PLXDC1: variants seen among roughly 807,000 people sequenced by gnomAD.
PLXDC1 encodes plexin domain containing 1, also known as plexin domain-containing protein 1.
PLXDC1 carries 39 observed loss-of-function variants against 61.3 expected under a neutral mutation model. That is an observed-to-expected ratio of 0.64 (90% CI 0.49 to 0.83). The LOEUF (loss-of-function observed/expected upper bound fraction) is 0.83, where lower values mean the gene tolerates loss of function less well. Ranked by LOEUF, PLXDC1 falls within the 40% of genes least tolerant of loss-of-function variation. The pLI, the probability that PLXDC1 is intolerant of heterozygous loss-of-function variation, is 0.00. For synonymous variants in PLXDC1, 212 were observed against 254.5 expected (o/e 0.83, Z 1.59); for missense variants, 596 against 666.5 (o/e 0.89, Z 1.17).
intron 2 of PLXDC1, among the ~76,000 whole-genome samples, chr17:39,127,542 C>T (rs1050812884): frequency 6.6e-6 from 1 of 151,916 alleles, no homozygotes; most frequent in East Asian, 1.9e-4. Flanking sequence ...AAGAAACTCG[C>T]CCAAGACAAA....
intron 7 of PLXDC1, among the ~76,000 whole-genome samples, chr17:39,088,513 G>A (rs1909826089): frequency 6.6e-6 from 1 of 152,296 alleles, no homozygotes; most frequent in African/African-American, 2.4e-5. Context: ...ACACCCTTGG[G>A]AGGAAAAAGC....
At chr17:39,118,028 C>T (rs1034530382) in intron 2 of PLXDC1, among the ~76,000 whole-genome samples, 3 of 152,014 alleles carry the variant, frequency 2.0e-5, no homozygotes, top group Admixed American at 6.6e-5. Flanking sequence ...CTACCCGCGG[C>T]GTTCTAGAGC....
chr17:39,075,213 C>T (rs970421312), intron 11 of PLXDC1, among the ~76,000 whole-genome samples: 34 of 152,240 alleles, frequency 2.2e-4, no homozygotes, highest in Non-Finnish European at 3.7e-4. Flanking sequence ...CCTGCCTCAG[C>T]CTCCCAAAGT....
chr17:39,090,666 C>A (rs571012560), intron 7 of PLXDC1, among the ~76,000 whole-genome samples: 1 of 152,184 alleles, frequency 6.6e-6, no homozygotes, highest in South Asian at 2.1e-4. Flanking sequence ...AGACACTCAA[C>A]GCACAAGGAC....
chr17:39,140,072 A>G (rs73983224), intron 1 of PLXDC1, among the ~76,000 whole-genome samples: 233 of 152,258 alleles, frequency 1.5e-3, no homozygotes, highest in African/African-American at 5.5e-3. Context: ...AGTAGTTAGG[A>G]TGTTCTCCAT....
intron 2 of PLXDC1, among the ~76,000 whole-genome samples, chr17:39,111,157 T>A (rs1325662834): frequency 6.6e-6 from 1 of 151,720 alleles, no homozygotes; most frequent in African/African-American, 2.4e-5. Flanking sequence ...CAGACCAGAC[T>A]CCCCTGACAG....
rs114435796 is a variant in PLXDC1, at chr17:39,105,536, G to A, written c.811+318C>T. 2.5e-3 allele frequency among the ~76,000 whole-genome samples: 383 copies of A among 152,252 alleles called. 1 individual carries two copies. Among genetic ancestry groups the A allele is most frequent in the African/African-American group, 8.8e-3 (367 of 41,536 alleles). On this transcript the variant is annotated intron_variant, in intron 7 of 13. Transcript: ENST00000315392. ...GGGAAGGCCACAATGGTTGTATTCT[G>A]GGAGGACTCAAACCCCTTACTAGGG...
At chr17:39,103,265 A>G (rs1157506877) in intron 7 of PLXDC1, among the ~76,000 whole-genome samples, 1 of 151,864 alleles carries the variant, frequency 6.6e-6, no homozygotes, top group Non-Finnish European at 1.5e-5. Context: ...TCAGTGACCC[A>G]GGCCAGTAAT....
chr17:39,142,744 C>T (rs887789210), intron 1 of PLXDC1, among the ~76,000 whole-genome samples: 5 of 152,200 alleles, frequency 3.3e-5, no homozygotes, highest in African/African-American at 1.2e-4. Flanking sequence ...ATGTTGCCTA[C>T]ACTGGCCTTG....
chr17:39,129,659 A>G (rs201213926), intron 2 of PLXDC1, among the ~76,000 whole-genome samples: 7 of 128,010 alleles, frequency 5.5e-5, no homozygotes, highest in East Asian at 2.1e-4. Flanking sequence ...GAGAGAGAGA[A>G]AGAAAGAAAG....
At chr17:39,131,010 G>A (rs1911542625) in intron 2 of PLXDC1, among the ~76,000 whole-genome samples, 1 of 152,222 alleles carries the variant, frequency 6.6e-6, no homozygotes, top group Admixed American at 6.5e-5. Context: ...ACCTGGGGCT[G>A]AGTAGCCGGG....
rs1302702009 is a variant in PLXDC1, at chr17:39,151,043, G to A, written c.76+319C>T. Among the ~76,000 whole-genome samples the A allele has an allele frequency of 6.6e-6, 1 of 152,120 alleles. No homozygotes were observed. The highest frequency in any genetic ancestry group is 1.5e-5 in the Non-Finnish European group (1 of 68,008). On this transcript the variant is annotated intron_variant, in intron 1 of 13. Transcript: ENST00000315392. This position sits in a 1 kb window ranked among gnomAD's most constrained non-coding sequence, Gnocchi z 5.2. ...TTCAGCCTTGCCTGGGGTGATCAGG[G>A]GTCCTGATGACTCTCCCGCTGTCCC...
intron 5 of PLXDC1, 76 bp downstream of exon 5, chr17:39,108,047 G>A: frequency 6.3e-7 from 1 of 1,577,030 alleles, no homozygotes; most frequent in East Asian, 2.2e-5. Context: ...GCCCTCTCTA[G>A]GCCCTGTGCT....
At chr17:39,111,596 TCTTATCAGC>T (rs1418687659) in intron 2 of PLXDC1, among the ~76,000 whole-genome samples, 1 of 152,116 alleles carries the variant, frequency 6.6e-6, no homozygotes, top group African/African-American at 2.4e-5. Context: ...AACCCTGCCT[TCTTATCAGC>T]CTTTCACCCC....
intron 1 of PLXDC1, among the ~76,000 whole-genome samples, chr17:39,148,414 T>C (rs2143998674): frequency 6.6e-6 from 1 of 151,904 alleles, no homozygotes; most frequent in South Asian, 2.1e-4. Flanking sequence ...AGAGTCTTAC[T>C]CTGTTGCCCA....
chr17:39,148,456 C>G (rs1418618459), intron 1 of PLXDC1, among the ~76,000 whole-genome samples: 1 of 151,920 alleles, frequency 6.6e-6, no homozygotes, highest in African/African-American at 2.4e-5. Context: ...TCTCAGCTCA[C>G]TATAACCTCT....
intron 5 of PLXDC1, 155 bp from the exon 6 acceptor site, chr17:39,107,680 C>A (rs1332516630): frequency 1.5e-6 from 1 of 678,746 alleles, no homozygotes. Flanking sequence ...GGGCAGCTCA[C>A]TAAAGCAGCG....
At chr17:39,143,471 C>T (rs1437264246) in intron 1 of PLXDC1, among the ~76,000 whole-genome samples, 3 of 152,204 alleles carry the variant, frequency 2.0e-5, no homozygotes, top group East Asian at 3.9e-4. Flanking sequence ...AGGATTCTCT[C>T]CACCTTCTTC....
At position 39,074,648 on chromosome 17, in the gene PLXDC1, T is replaced by C. The variant is rs74753814; in HGVS notation, c.1187-2163A>G. On this transcript the variant is annotated intron_variant, in intron 11 of 13. Transcript: ENST00000315392. ...ATTTAGGCTTGGCCCCCAAGTGCTG[T>C]GCCCTGGGCTCCCCACGCCACCACA... Among the ~76,000 whole-genome samples the C allele has an allele frequency of 3.9e-3, 593 of 152,280 alleles. 23 individuals carry two copies. In the East Asian group the frequency reaches 0.09, roughly 23 times the overall value.
Sources: gnomAD v4.1 joint callset for allele counts (sites outside exome capture counted in the v4.1 genomes callset) on GRCh38, gnomAD v4.1.1 for gene constraint, Gnocchi (gnomAD v3.1) non-coding constraint, MANE v1.5 for transcripts, NCBI Gene and HGNC (gene_info 2026-07-23, HGNC 2026-07-21) for gene names.